MIS18A: variants seen among roughly 807,000 people sequenced by gnomAD.
The protein encoded by MIS18A is MIS18 kinetochore protein A, also known as protein Mis18-alpha.
In MIS18A, 14 loss-of-function variants were observed where a neutral mutation model predicts 25.0. The ratio of observed to expected loss-of-function variants is 0.56; its 90% confidence interval spans 0.37 to 0.88. MIS18A has a LOEUF of 0.88. Among genes scored for constraint, MIS18A ranks in the 40% least tolerant of loss-of-function variants. The probability of loss-of-function intolerance (pLI) is 0.00; values close to 1 mark genes in which losing one functional copy is unlikely to be tolerated. For missense variants in MIS18A, 292 were observed against 290.8 expected (o/e 1.00, Z -0.03); for synonymous variants, 134 against 118.6 (o/e 1.13, Z -0.84).
At chr21:32,242,909 A>G in the MIS18A span, among the ~76,000 whole-genome samples, 4 of 152,196 alleles carry the variant, frequency 2.6e-5, no homozygotes, top group African/African-American at 9.7e-5. Context: ...TACCTCCCCA[A>G]GACAGTGTGG....
At chr21:32,251,985 C>G in the MIS18A span, among the ~76,000 whole-genome samples, 1 of 152,134 alleles carries the variant, frequency 6.6e-6, no homozygotes, top group African/African-American at 2.4e-5. Flanking sequence ...TAGAAAATTT[C>G]CAGCCTAGGC....
the MIS18A span, among the ~76,000 whole-genome samples, chr21:32,258,831 G>T: frequency 6.7e-6 from 1 of 149,462 alleles, no homozygotes; most frequent in African/African-American, 2.5e-5. Context: ...GTGAGGGTCT[G>T]CATTTTATTT....
At chr21:32,233,672 C>T in the MIS18A span, among the ~76,000 whole-genome samples, 8 of 152,124 alleles carry the variant, frequency 5.3e-5, no homozygotes, top group Non-Finnish European at 7.4e-5. Context: ...AGCTGTAATT[C>T]GTTTCATCTT....
At chr21:32,174,756 G>C in the MIS18A span, among the ~76,000 whole-genome samples, 1 of 128,398 alleles carries the variant, frequency 7.8e-6, no homozygotes, top group African/African-American at 3.2e-5. Context: ...ACTTGAACAT[G>C]ATTAGCCAAC....
At chr21:32,192,411 G>A in the MIS18A span, among the ~76,000 whole-genome samples, 473 of 152,142 alleles carry the variant, frequency 3.1e-3, 3 homozygotes, top group African/African-American at 0.01. Flanking sequence ...CCTCCATATG[G>A]GTACTCCTTT....
chr21:32,203,156 A>G, the MIS18A span, among the ~76,000 whole-genome samples: 1 of 151,866 alleles, frequency 6.6e-6, no homozygotes, highest in Non-Finnish European at 1.5e-5. Flanking sequence ...AGTAGAACAG[A>G]GACTAGAAAT....
At chr21:32,191,133 T>C in the MIS18A span, among the ~76,000 whole-genome samples, 1 of 152,190 alleles carries the variant, frequency 6.6e-6, no homozygotes, top group African/African-American at 2.4e-5. Flanking sequence ...ACCTGGCATA[T>C]AATAAGTGCT....
At chr21:32,272,746 T>A (rs2031736253) in intron 2 of MIS18A, among the ~76,000 whole-genome samples, 1 of 152,148 alleles carries the variant, frequency 6.6e-6, no homozygotes, top group African/African-American at 2.4e-5. Flanking sequence ...AAATAAAAAT[T>A]TTGAGTTGAT....
the MIS18A span, among the ~76,000 whole-genome samples, chr21:32,220,303 C>T: frequency 6.6e-6 from 1 of 152,212 alleles, no homozygotes; most frequent in Non-Finnish European, 1.5e-5. Context: ...CTTTGCTGTT[C>T]TGCAGCCTCC....
the MIS18A span, among the ~76,000 whole-genome samples, chr21:32,258,279 T>A: frequency 6.6e-6 from 1 of 152,030 alleles, no homozygotes; most frequent in Non-Finnish European, 1.5e-5. Flanking sequence ...CCTGTGCAAG[T>A]GTAGATGTAA....
chr21:32,210,003 G>A, the MIS18A span, among the ~76,000 whole-genome samples: 7 of 152,186 alleles, frequency 4.6e-5, no homozygotes. Flanking sequence ...TGTATAACAT[G>A]CTCAAGGCCA....
At chr21:32,177,976 A>G in the MIS18A span, among the ~76,000 whole-genome samples, 1 of 151,680 alleles carries the variant, frequency 6.6e-6, no homozygotes. Context: ...GTAGAGTGGC[A>G]CAGTCATGGC....
the MIS18A span, among the ~76,000 whole-genome samples, chr21:32,227,464 A>G: frequency 6.6e-6 from 1 of 152,132 alleles, no homozygotes; most frequent in Non-Finnish European, 1.5e-5. Flanking sequence ...AACCTAGATG[A>G]AACGGACATA....
chr21:32,243,537 C>T, the MIS18A span, among the ~76,000 whole-genome samples: 1 of 152,156 alleles, frequency 6.6e-6, no homozygotes, highest in African/African-American at 2.4e-5. Flanking sequence ...CACCACTGTA[C>T]ACCTAAAACC....
At chr21:32,172,086 G>T in the MIS18A span, among the ~76,000 whole-genome samples, 4 of 151,980 alleles carry the variant, frequency 2.6e-5, no homozygotes, top group African/African-American at 4.8e-5. Flanking sequence ...AAAGCCACAA[G>T]GAGATATCAC....
chr21:32,161,125 T>C, the MIS18A span, among the ~76,000 whole-genome samples: 1 of 152,256 alleles, frequency 6.6e-6, no homozygotes, highest in Non-Finnish European at 1.5e-5. Flanking sequence ...AGTACATTCA[T>C]CATAATTAAC....
chr21:32,207,616 C>T, the MIS18A span, among the ~76,000 whole-genome samples: 4 of 152,180 alleles, frequency 2.6e-5, no homozygotes, highest in South Asian at 8.4e-4. Flanking sequence ...CTCTTGCTAA[C>T]AGTTCAACAC....
chr21:32,264,835 C>T (rs962774249), downstream of MIS18A, among the ~76,000 whole-genome samples: 4 of 152,194 alleles, frequency 2.6e-5, no homozygotes, highest in African/African-American at 9.7e-5. Flanking sequence ...ACATGCCATT[C>T]AGGCATCGAT....
intron 1 of MIS18A, among the ~76,000 whole-genome samples, chr21:32,277,638 C>G (rs1309781083): frequency 3.3e-5 from 5 of 152,062 alleles, no homozygotes; most frequent in African/African-American, 1.2e-4. Context: ...TTTGGCGAGG[C>G]TGATCTGGAA....
Sources: gnomAD v4.1 joint callset for allele counts (sites outside exome capture counted in the v4.1 genomes callset) on GRCh38, gnomAD v4.1.1 for gene constraint, MANE v1.5 for transcripts, NCBI Gene and HGNC (gene_info 2026-07-23, HGNC 2026-07-21) for gene names.